ARHGEF28: variants seen among roughly 807,000 people sequenced by gnomAD.
The protein encoded by ARHGEF28 is Rho guanine nucleotide exchange factor 28.
ARHGEF28 carries 152 observed loss-of-function variants against 206.6 expected under a neutral mutation model. The ratio of observed to expected loss-of-function variants is 0.74; its 90% CI spans 0.64 to 0.84. ARHGEF28 has a LOEUF of 0.84. ARHGEF28 is among the 40% of genes least tolerant of loss of function. The pLI is 0.00. For missense variants in ARHGEF28, 2,028 were observed against 2,073.2 expected, an observed-to-expected ratio of 0.98 and a Z score of 0.42; for synonymous variants, 763 against 776.4, an observed-to-expected ratio of 0.98 and a Z score of 0.29.
Position 73,752,898 on chromosome 5 carries a change from T to C in ARHGEF28, c.182-11T>C. ...GACTTGGGGTGAACTGTTCACTGTC[T>C]TGTTGTCCAGGCCATGGGCTTCAGG... On this transcript the variant is annotated splice_polypyrimidine_tract_variant and intron_variant, in intron 3 of 35. Transcript: ENST00000513042. 6.2e-7 allele frequency: 1 copy of C among 1,613,550 alleles called. No individual in the cohort carries two copies. The highest frequency in any genetic ancestry group is 8.5e-7 in the Non-Finnish European group (1 of 1,179,752).
At position 73,903,980 on chromosome 5, in the gene ARHGEF28, A is replaced by T. The variant is rs13183973; in HGVS notation, c.4075-242A>T. 63,426 of 532,344 alleles carry T rather than the reference A, an allele frequency of 0.12. 4,989 individuals are homozygous for T. The highest frequency in any genetic ancestry group is 0.3 in the East Asian group (9,815 of 32,198). The allele number at this position is 532,344 out of a possible 1,614,324, so 33.0% of individuals were successfully genotyped here. ...TCATCCCTTGTTGTTTTAAGGGGTGATTGGGTGAAAATTGCCATCCATCTC... is the reference window on the plus strand; with the variant it reads ...TCATCCCTTGTTGTTTTAAGGGGTGTTTGGGTGAAAATTGCCATCCATCTC... On this transcript the variant is annotated intron_variant, in intron 31 of 35. Coordinates refer to ENST00000513042, the MANE Select transcript of ARHGEF28 (RefSeq NM_001177693.2).
intron 20 of ARHGEF28, 149 bp from the exon 21 acceptor site, chr5:73,869,920 G>A (rs1486773138): frequency 1.1e-6 from 1 of 877,402 alleles, no homozygotes. Context: ...AAAAACAGAT[G>A]TTTCACTCCA....
intron 25 of ARHGEF28, 27 bp downstream of exon 25, chr5:73,886,131 C>G (rs571292002): frequency 6.3e-7 from 1 of 1,588,768 alleles, no homozygotes; most frequent in Admixed American, 1.8e-5. Context: ...AGACCAATTT[C>G]TCCCTTCATA....
At chr5:73,870,939 C>T (rs1469937769) in intron 21 of ARHGEF28, among the ~76,000 whole-genome samples, 1 of 152,128 alleles carries the variant, frequency 6.6e-6, no homozygotes, top group African/African-American at 2.4e-5. Flanking sequence ...ACATGGGCCC[C>T]AAAGTCCACG....
intron 9 of ARHGEF28, among the ~76,000 whole-genome samples, chr5:73,797,278 A>C (rs1754875655): frequency 3.3e-5 from 3 of 90,514 alleles, no homozygotes; most frequent in African/African-American, 2.6e-4. Flanking sequence ...ACAGATTTTC[A>C]AAGAACCTGA....
At chr5:73,786,290 G>A (rs1291221514) in intron 7 of ARHGEF28, 1 of 152,180 alleles carries the variant, frequency 6.6e-6, no homozygotes, top group Non-Finnish European at 1.5e-5. Flanking sequence ...GCATGAGAAA[G>A]TGGCAGCACA....
In ARHGEF28 at chr5:73,846,293, G is replaced by A. The variant is rs777903578; in HGVS notation, c.1453G>A (p.Asp485Asn). 7 of 1,613,396 alleles carry A rather than the reference G, an allele frequency of 4.3e-6. No individual in the cohort carries two copies. Among genetic ancestry groups the A allele is most frequent in the South Asian group, 1.1e-5 (1 of 91,054 alleles). ...RSSSLDALDA[D>N]SEGEGHSEPS... ...TTCTAGCCTTGATGCCTTGGACGCC[G>A]ACAGTGAAGGGGAAGGGCATTCTGA... The change falls in exon 12 of 36, where the codon GAC (aspartate) becomes AAC (asparagine). Residue 485 changes from aspartate to asparagine, a missense_variant. Asp to Asn is a conservative substitution (Grantham distance 23). Around this residue, in one of 3 missense-constraint regions of ARHGEF28, gnomAD observed 1,002 missense variants for 1,015.3 expected, o/e 0.99. Transcript: ENST00000513042.
At chr5:73,878,709 T>A (rs1217262266) in intron 22 of ARHGEF28, among the ~76,000 whole-genome samples, 1 of 151,408 alleles carries the variant, frequency 6.6e-6, no homozygotes, top group South Asian at 2.1e-4. Context: ...GATATGAAAT[T>A]CTAGGTTGAA....
intron 15 of ARHGEF28, 70 bp from the exon 16 acceptor site, chr5:73,858,016 GA>G: frequency 6.5e-7 from 1 of 1,536,106 alleles, no homozygotes; most frequent in Non-Finnish European, 8.7e-7. Context: ...ATTTCTATAA[GA>G]AAGTTGGCTC....
chr5:73,848,763 C>A (rs1384403611), intron 12 of ARHGEF28, among the ~76,000 whole-genome samples: 1 of 152,048 alleles, frequency 6.6e-6, no homozygotes, highest in Non-Finnish European at 1.5e-5. Context: ...TATACAGGAA[C>A]TATTCCCCAA....
rs1182019210 is a variant in ARHGEF28 at position 73,909,851 on chromosome 5, GC to G, written c.4603del (p.Arg1535GlyfsTer16). ...AGCCTGCTGGGCCACTGGAAGCACGGCCGGCAGAGGAGCCTGCCCGCGGTGC... is the reference window on the plus strand; with the variant it reads ...AGCCTGCTGGGCCACTGGAAGCACGGCGGCAGAGGAGCCTGCCCGCGGTGC... Reference protein sequence around the residue: ...QQSLLGHWKHGRQRSLPAVLL... With the variant: ...QQSLLGHWKHXRQRSLPAVLL... On this transcript the variant is annotated frameshift_variant, in exon 34 of 36. Coordinates refer to ENST00000513042, the MANE Select transcript of ARHGEF28 (RefSeq NM_001177693.2). LOFTEE classifies it high-confidence loss of function. 6.5e-5 allele frequency: 100 copies of G among 1,539,320 alleles called. No homozygotes were observed. The highest frequency in any genetic ancestry group is 8.4e-5 in the Non-Finnish European group (97 of 1,155,626).
chr5:73,682,115 C>G (rs1747143172), intron 1 of ARHGEF28, among the ~76,000 whole-genome samples: 1 of 152,168 alleles, frequency 6.6e-6, no homozygotes, highest in Non-Finnish European at 1.5e-5. Context: ...TTATTATAAT[C>G]TATAAACCCA....
intron 1 of ARHGEF28, among the ~76,000 whole-genome samples, chr5:73,657,867 G>T (rs1340957554): frequency 6.6e-6 from 1 of 152,080 alleles, no homozygotes. Context: ...CCACACATGG[G>T]CAAGATGTCT....
intron 1 of ARHGEF28, among the ~76,000 whole-genome samples, chr5:73,670,119 C>T (rs996412984): frequency 7.9e-5 from 12 of 152,300 alleles, no homozygotes; most frequent in Non-Finnish European, 1.5e-4. Flanking sequence ...TCCTGTTACC[C>T]TTTTATAGTC....
intron 2 of ARHGEF28, 101 bp from the exon 3 acceptor site, chr5:73,749,736 C>T: frequency 7.6e-7 from 1 of 1,308,412 alleles, no homozygotes; most frequent in Non-Finnish European, 1.1e-6. Context: ...ATGAAGTGAA[C>T]ATAACAAATG....
At chr5:73,891,969 C>G (rs2112685394) in intron 26 of ARHGEF28, 83 bp from the exon 27 acceptor site, 1 of 1,322,398 alleles carries the variant, frequency 7.6e-7, no homozygotes. Context: ...ACCTAGTACT[C>G]TTGCTTCCTT....
chr5:73,864,214 A>G (rs559498272), intron 16 of ARHGEF28, among the ~76,000 whole-genome samples: 1 of 152,310 alleles, frequency 6.6e-6, no homozygotes, highest in South Asian at 2.1e-4. Context: ...GGGCAGGGAA[A>G]GTATTCCCTT....
At chr5:73,780,604 C>G in intron 6 of ARHGEF28, 72 bp from the exon 7 acceptor site, 1 of 1,453,776 alleles carries the variant, frequency 6.9e-7, no homozygotes, top group South Asian at 1.2e-5. Context: ...ACTTTTGCCT[C>G]TTTGTTGTAT....
At chr5:73,857,351 T>C (rs1050538617) in intron 14 of ARHGEF28, among the ~76,000 whole-genome samples, 2 of 152,172 alleles carry the variant, frequency 1.3e-5, no homozygotes, top group African/African-American at 4.8e-5. Context: ...AATATTTTAT[T>C]ATGAAAATTT....
Sources: allele counts gnomAD v4.1 joint callset (sites outside exome capture counted in the v4.1 genomes callset), GRCh38; gene constraint gnomAD v4.1.1; regional missense constraint gnomAD v4.1.1; transcripts MANE v1.5; gene names NCBI Gene and HGNC (gene_info 2026-07-23, HGNC 2026-07-21).